The following OVOL2 variants were observed in gnomAD, a reference collection of about 807,000 sequenced individuals.
OVOL2 encodes the protein transcription factor Ovo-like 2.
OVOL2 carries 13 observed loss-of-function variants against 18.1 expected under a neutral mutation model. The observed-to-expected ratio is 0.72, with a 90% CI of 0.47 to 1.14. The LOEUF (loss-of-function observed/expected upper bound fraction) is 1.14, where lower values mean the gene tolerates loss of function less well. Among genes scored for constraint, OVOL2 ranks in the 50% most tolerant of loss-of-function variants. The probability of loss-of-function intolerance (pLI) is 0.00; values close to 1 mark genes in which losing one functional copy is unlikely to be tolerated. For missense variants in OVOL2, 335 were observed against 383.0 expected (o/e 0.87, Z 1.05); for synonymous variants, 166 against 162.7 (o/e 1.02, Z -0.16).
chr20:18,041,543 T>C lies in OVOL2; in HGVS notation c.502A>G (p.Thr168Ala). ...DTFDLKRHVR[T>A]HTGIRPYKCN... ...CGCACTCCCCGCTCACCTGTGTGTGTGCGGACGTGCCTCTTCAGGTCGAAG... is the reference window on the plus strand; with the variant it reads ...CGCACTCCCCGCTCACCTGTGTGTGCGCGGACGTGCCTCTTCAGGTCGAAG... The change falls in exon 3 of 4, where the codon ACA (threonine) becomes GCA (alanine). Residue 168 changes from threonine to alanine, a missense_variant. Thr to Ala is a moderately conservative substitution (Grantham distance 58). Coordinates refer to ENST00000278780, the MANE Select transcript of OVOL2 (RefSeq NM_021220.4). The C allele has an allele frequency of 6.2e-7, 1 of 1,612,546 alleles. No homozygotes were observed. The highest frequency in any genetic ancestry group is 8.5e-7 in the Non-Finnish European group (1 of 1,178,694).
At chr20:18,037,979 C>CT (rs1188526167) in intron 3 of OVOL2, among the ~76,000 whole-genome samples, 1 of 152,234 alleles carries the variant, frequency 6.6e-6, no homozygotes, top group African/African-American at 2.4e-5. Flanking sequence ...GCTCTTCCTC[C>CT]TTCTGTCCTG....
chr20:18,029,032 T>TATTTC (rs1293231183), intron 3 of OVOL2, among the ~76,000 whole-genome samples: 7 of 137,712 alleles, frequency 5.1e-5, no homozygotes, highest in Non-Finnish European at 9.7e-5. Context: ...ATTTTTATTT[T>TATTTC]ATTTTATTTT....
At position 18,024,811 on chromosome 20, in the gene OVOL2, TCCTC is replaced by T; in HGVS notation, c.649_652del (p.Glu217IlefsTer16). On this transcript the variant is annotated frameshift_variant, in exon 4 of 4. Coordinates refer to ENST00000278780, the MANE Select transcript of OVOL2 (RefSeq NM_021220.4). LOFTEE classifies it high-confidence loss of function. ...CTGGGTGGGGCCCGTGTAGCCGCAA[TCCTC>T]GCAGACGTAGAGCTTGTCCCGCCGC... The T allele has an allele frequency of 6.2e-7, 1 of 1,614,172 alleles. No homozygotes were observed. Among genetic ancestry groups the T allele is most frequent in the Non-Finnish European group, 8.5e-7 (1 of 1,180,034 alleles).
intron 2 of OVOL2, chr20:18,050,816 G>A (rs1460729784): frequency 6.6e-6 from 1 of 152,186 alleles, no homozygotes; most frequent in Non-Finnish European, 1.5e-5. Context: ...TGCACTGGTT[G>A]CTGGGTAATA....
intron 3 of OVOL2, among the ~76,000 whole-genome samples, chr20:18,026,514 T>A (rs2036518198): frequency 1.3e-5 from 2 of 151,784 alleles, no homozygotes; most frequent in Admixed American, 1.3e-4. Flanking sequence ...CCCGAGTACC[T>A]GGAACTACAG....
chr20:18,032,078 C>T (rs775764820), intron 3 of OVOL2, among the ~76,000 whole-genome samples: 7 of 152,104 alleles, frequency 4.6e-5, no homozygotes, highest in Non-Finnish European at 1.0e-4. Flanking sequence ...AAAAATCACA[C>T]TGTATCTACC....
intron 3 of OVOL2, among the ~76,000 whole-genome samples, chr20:18,034,086 A>G (rs1359815998): frequency 6.6e-6 from 1 of 152,170 alleles, no homozygotes; most frequent in Non-Finnish European, 1.5e-5. Flanking sequence ...ACTGAAGTAC[A>G]GCAAGTCCCT....
At chr20:18,044,036 T>A (rs2036701283) in intron 2 of OVOL2, among the ~76,000 whole-genome samples, 1 of 152,082 alleles carries the variant, frequency 6.6e-6, no homozygotes, top group South Asian at 2.1e-4. Context: ...GCTCAGTTGC[T>A]CCCTTGCCGA....
intron 2 of OVOL2, among the ~76,000 whole-genome samples, chr20:18,045,514 C>T (rs186547907): frequency 1.6e-4 from 25 of 152,124 alleles, no homozygotes; most frequent in Non-Finnish European, 2.6e-4. Context: ...CTCAAATCGT[C>T]GGTATTATTT....
chr20:18,042,427 C>G (rs1431975971), intron 2 of OVOL2, among the ~76,000 whole-genome samples: 1 of 152,008 alleles, frequency 6.6e-6, no homozygotes, highest in Non-Finnish European at 1.5e-5. Context: ...GGTGCCGTCC[C>G]CGTAGTAAAG....
chr20:18,044,835 G>T (rs544097662), intron 2 of OVOL2, among the ~76,000 whole-genome samples: 2 of 152,174 alleles, frequency 1.3e-5, no homozygotes, highest in Non-Finnish European at 2.9e-5. Context: ...GAACATTCCA[G>T]GAGAGGACAA....
chr20:18,041,740 G>A lies in OVOL2; in HGVS notation c.322-17C>T, dbSNP rs746748414. The A allele has an allele frequency of 1.9e-6, 3 of 1,599,990 alleles. No homozygotes were observed. On this transcript the variant is annotated splice_polypyrimidine_tract_variant and intron_variant, in intron 2 of 3. Transcript: ENST00000278780. ...TGTGGTGAACTGGGGGCAGAGAGAGGCCATGAGGGTCCCCGGGCAGGCAGG... is the reference window on the plus strand; with the variant it reads ...TGTGGTGAACTGGGGGCAGAGAGAGACCATGAGGGTCCCCGGGCAGGCAGG...
intron 2 of OVOL2, among the ~76,000 whole-genome samples, chr20:18,042,273 G>A (rs185680696): frequency 1.3e-5 from 2 of 152,070 alleles, no homozygotes; most frequent in East Asian, 3.9e-4. Context: ...CTTCTAGCTG[G>A]GCATACTGTC....
chr20:18,035,274 A>T (rs2036605969), intron 3 of OVOL2, among the ~76,000 whole-genome samples: 1 of 152,200 alleles, frequency 6.6e-6, no homozygotes, highest in Non-Finnish European at 1.5e-5. Context: ...AACATGGTGA[A>T]ACCCCATCTC....
intron 3 of OVOL2, among the ~76,000 whole-genome samples, chr20:18,040,940 A>G (rs2036662051): frequency 6.6e-6 from 1 of 152,186 alleles, no homozygotes; most frequent in Admixed American, 6.5e-5. Flanking sequence ...GAGCTGTGGC[A>G]GGCCCCGCGT....
chr20:18,042,417 GGTGCCGTCCCC>G (rs1054843378), intron 2 of OVOL2, among the ~76,000 whole-genome samples: 25 of 152,232 alleles, frequency 1.6e-4, no homozygotes, highest in African/African-American at 6.0e-4. Flanking sequence ...TGAATGGCCT[GGTGCCGTCCCC>G]GTAGTAAAGA....
chr20:18,058,546 C>G (rs2036851835), upstream of OVOL2, among the ~76,000 whole-genome samples: 1 of 151,580 alleles, frequency 6.6e-6, no homozygotes, highest in Non-Finnish European at 1.5e-5. Flanking sequence ...CGTTGCACCC[C>G]CCGAGAGCCC....
At chr20:18,041,255 C>T (rs1330573547) in intron 3 of OVOL2, among the ~76,000 whole-genome samples, 1 of 152,026 alleles carries the variant, frequency 6.6e-6, no homozygotes, top group Non-Finnish European at 1.5e-5. Context: ...CCTCCGCCTC[C>T]CAGGTTCAAG....
At position 18,024,604 on chromosome 20, in the gene OVOL2, A is replaced by G; in HGVS notation, c.*32T>C. Reference sequence around the variant, plus strand: ...AAAAATCCACGTAGACATACGTGGCAGTGTGAACGTCTGTCCTCCCCTTCC... The same window carrying G: ...AAAAATCCACGTAGACATACGTGGCGGTGTGAACGTCTGTCCTCCCCTTCC... On this transcript the variant is annotated 3_prime_UTR_variant, in exon 4 of 4. Coordinates refer to ENST00000278780, the MANE Select transcript of OVOL2 (RefSeq NM_021220.4). 4 of 1,530,040 alleles carry G rather than the reference A, an allele frequency of 2.6e-6. No homozygotes were observed. The highest frequency in any genetic ancestry group is 3.5e-6 in the Non-Finnish European group (4 of 1,134,922). The allele number at this position is 1,530,040 out of a possible 1,614,324, so 94.8% of individuals were successfully genotyped here.
Sources: gnomAD v4.1 joint callset for allele counts (sites outside exome capture counted in the v4.1 genomes callset) on GRCh38, gnomAD v4.1.1 for gene constraint, MANE v1.5 for transcripts, NCBI Gene and HGNC (gene_info 2026-07-23, HGNC 2026-07-21) for gene names.